DGKB: variants seen among roughly 807,000 people sequenced by gnomAD.
DGKB encodes 90 kDa diacylglycerol kinase.
Under a neutral mutation model 114.3 loss-of-function variants are expected in DGKB, and 67 were observed. The ratio of observed to expected loss-of-function variants is 0.59; its 90% confidence interval spans 0.48 to 0.72. The LOEUF (loss-of-function observed/expected upper bound fraction) is 0.72, where lower values mean the gene tolerates loss of function less well. Ranked by LOEUF, DGKB falls within the 30% of genes least tolerant of loss-of-function variation. DGKB has a pLI of 0.00. For synonymous variants in DGKB, 398 were observed against 323.1 expected, an observed-to-expected ratio of 1.23 and a Z score of -2.49; for missense variants, 907 against 975.2, an observed-to-expected ratio of 0.93 and a Z score of 0.93.
At chr7:14,900,364 T>A (rs1471492701) in intron 1 of DGKB, among the ~76,000 whole-genome samples, 1 of 152,138 alleles carries the variant, frequency 6.6e-6, no homozygotes, top group African/African-American at 2.4e-5. Context: ...CGGCTAGAGG[T>A]ACTACTCTTT....
chr7:14,944,834 C>A (rs1785780652), intron 1 of DGKB, among the ~76,000 whole-genome samples: 1 of 151,622 alleles, frequency 6.6e-6, no homozygotes, highest in Non-Finnish European at 1.5e-5. Context: ...GAATTAAAAT[C>A]TGCATTTTAT....
At chr7:14,261,452 A>G (rs1796766700) in intron 23 of DGKB, among the ~76,000 whole-genome samples, 1 of 152,088 alleles carries the variant, frequency 6.6e-6, no homozygotes, top group African/African-American at 2.4e-5. Context: ...GATATCATAT[A>G]CTGTACAGTG....
At chr7:14,227,724 A>G (rs1355773051) in intron 23 of DGKB, among the ~76,000 whole-genome samples, 1 of 152,044 alleles carries the variant, frequency 6.6e-6, no homozygotes, top group Non-Finnish European at 1.5e-5. Flanking sequence ...TGGCATATAT[A>G]TTTCACACAT....
intron 20 of DGKB, among the ~76,000 whole-genome samples, chr7:14,493,263 T>C (rs959334396): frequency 1.3e-5 from 2 of 152,092 alleles, no homozygotes; most frequent in Admixed American, 6.6e-5. Flanking sequence ...GTATACATTC[T>C]AAGACTCTCA....
intron 23 of DGKB, among the ~76,000 whole-genome samples, chr7:14,229,566 G>A (rs1469635290): frequency 6.6e-6 from 1 of 151,946 alleles, no homozygotes; most frequent in African/African-American, 2.4e-5. Context: ...ATGAACACGT[G>A]TATCTATATT....
intron 1 of DGKB, among the ~76,000 whole-genome samples, chr7:14,900,038 G>C (rs1434417820): frequency 1.3e-5 from 2 of 152,156 alleles, no homozygotes; most frequent in African/African-American, 4.8e-5. Context: ...ATATGTAAAT[G>C]AGAGAGCATA....
rs200353047 is a variant in DGKB at position 14,535,938 on chromosome 7, GAA to G, written c.1770+38272_1770+38273del. Among the ~76,000 whole-genome samples, 1,113 of 151,468 alleles carry G rather than the reference GAA, an allele frequency of 7.3e-3. 13 individuals carry two copies. The highest frequency in any genetic ancestry group is 0.025 in the African/African-American group (1,046 of 41,336). On this transcript the variant is annotated intron_variant, in intron 20 of 25. Coordinates refer to ENST00000402815, the MANE Select transcript of DGKB (RefSeq NM_001350709.2). The stretch of plus-strand genomic sequence containing the variant: ...GAATTCTTATCGATAGACGTACTAA[GAA>G]AAAAAGAGAGAAGACCCAAATAATG...
chr7:14,695,482 C>G lies in DGKB; in HGVS notation c.592-1288G>C, dbSNP rs190339136. 7.1e-4 allele frequency among the ~76,000 whole-genome samples: 84 copies of G among 118,928 alleles called. 1 individual carries two copies. The highest frequency in any genetic ancestry group is 2.7e-3 in the African/African-American group (78 of 28,412). The allele number at this position is 118,928 out of a possible 152,430, so 78.0% of individuals were successfully genotyped here. On this transcript the variant is annotated intron_variant, in intron 8 of 25. Coordinates refer to ENST00000402815, the MANE Select transcript of DGKB (RefSeq NM_001350709.2). ...TAATCAACCTCAAATGTTCATTTCT[C>G]TCTCTCTCTCTCTTTTTTTTTTTTT...
chr7:14,162,025 G>A (rs1475662738), intron 25 of DGKB, among the ~76,000 whole-genome samples: 1 of 152,170 alleles, frequency 6.6e-6, no homozygotes, highest in African/African-American at 2.4e-5. Flanking sequence ...TTCTGTATTA[G>A]TGATAAGCAG....
intron 23 of DGKB, chr7:14,192,021 C>T (rs1053452528): frequency 4.0e-6 from 2 of 500,310 alleles, no homozygotes; most frequent in South Asian, 1.6e-5. Context: ...TGACTATCCT[C>T]TGAGTCATTT....
chr7:14,682,631 G>T lies in DGKB; in HGVS notation c.957C>A (p.Thr319=). 1.2e-6 allele frequency: 2 copies of T among 1,613,562 alleles called. No homozygotes were observed. The highest frequency in any genetic ancestry group is 1.1e-5 in the South Asian group (1 of 91,074). ...HHYWVEGNCP[T]KCDKCHKTVK... ...CAGTTTTGTGGCACTTATCACACTTGGTTGGGCAGTTACCTTCAACCCAGT... is the reference window on the plus strand; with the variant it reads ...CAGTTTTGTGGCACTTATCACACTTTGTTGGGCAGTTACCTTCAACCCAGT... The change falls in exon 12 of 26, where the codon ACC becomes ACA. Residue 319 remains threonine, a synonymous_variant. Coordinates refer to ENST00000402815, the MANE Select transcript of DGKB (RefSeq NM_001350709.2).
chr7:14,170,608 T>C (rs1282785452), intron 25 of DGKB, among the ~76,000 whole-genome samples: 3 of 152,198 alleles, frequency 2.0e-5, no homozygotes, highest in African/African-American at 7.2e-5. Flanking sequence ...TTTTCCTTTA[T>C]ATCTTAATGG....
Position 14,642,948 on chromosome 7 carries a change from T to A in DGKB, c.1135-12680A>T, listed in dbSNP as rs539867382. 2.6e-5 allele frequency among the ~76,000 whole-genome samples: 4 copies of A among 152,336 alleles called. No homozygotes were observed. In the South Asian group the frequency reaches 8.3e-4, roughly 32 times the overall value. ...ATTGTAATCTCTCTTTGGATAATGC[T>A]CATGTATGGCTATATGTTTAAGATT... is the stretch of plus-strand genomic sequence containing the variant. On this transcript the variant is annotated intron_variant, in intron 13 of 25. Coordinates refer to ENST00000402815, the MANE Select transcript of DGKB (RefSeq NM_001350709.2).
At position 14,313,574 on chromosome 7, in the gene DGKB, C is replaced by A. The variant is rs7787097; in HGVS notation, c.2122+24941G>T. Among the ~76,000 whole-genome samples the A allele has an allele frequency of 1.4e-4, 21 of 152,274 alleles. No individual in the cohort carries two copies. The East Asian group carries it at 4.1e-3, about 29-fold the overall frequency. ...CCACCCGAATACTGCGCTTTTCCGA[C>A]GGGCTTAAAAAACAGCGCACCACGA... On this transcript the variant is annotated intron_variant, in intron 23 of 25. Coordinates refer to ENST00000402815, the MANE Select transcript of DGKB (RefSeq NM_001350709.2).
intron 23 of DGKB, among the ~76,000 whole-genome samples, chr7:14,253,667 A>G (rs1795564017): frequency 6.6e-6 from 1 of 152,222 alleles, no homozygotes; most frequent in Admixed American, 6.5e-5. Flanking sequence ...TTTAAAATAC[A>G]TTCAATTAAA....
At chr7:14,608,788 G>A (rs1024138877) in intron 16 of DGKB, among the ~76,000 whole-genome samples, 2 of 151,846 alleles carry the variant, frequency 1.3e-5, no homozygotes, top group South Asian at 4.1e-4. Flanking sequence ...TCCAGCCAGA[G>A]TCAAGTCAAG....
chr7:14,911,739 A>ATCCAAAAC (rs1784017408), intron 1 of DGKB, among the ~76,000 whole-genome samples: 1 of 152,178 alleles, frequency 6.6e-6, no homozygotes, highest in African/African-American at 2.4e-5. Context: ...GGGTACTATG[A>ATCCAAAAC]TCCAAAACTG....
intron 1 of DGKB, among the ~76,000 whole-genome samples, chr7:14,871,682 C>T (rs952158177): frequency 2.6e-5 from 4 of 152,130 alleles, no homozygotes; most frequent in African/African-American, 7.2e-5. Flanking sequence ...ATATTAGGAA[C>T]ACGCAGCTCA....
chr7:14,459,165 T>C (rs1299304430), intron 21 of DGKB, among the ~76,000 whole-genome samples: 4 of 152,130 alleles, frequency 2.6e-5, no homozygotes. Flanking sequence ...TCCTCCTCTC[T>C]GGGCAAGGCA....
Sources: allele counts gnomAD v4.1 joint callset (sites outside exome capture counted in the v4.1 genomes callset), GRCh38; gene constraint gnomAD v4.1.1; transcripts MANE v1.5; gene names NCBI Gene and HGNC (gene_info 2026-07-23, HGNC 2026-07-21).